CSPP1: variants seen among roughly 807,000 people sequenced by gnomAD.
The protein encoded by CSPP1 is centrosome and spindle pole-associated protein 1.
Under a neutral mutation model 164.4 loss-of-function variants are expected in CSPP1, and 126 were observed. That is an observed-to-expected ratio of 0.77 (90% CI 0.66 to 0.89). The LOEUF is 0.89. Among genes scored for constraint, CSPP1 ranks in the 40% least tolerant of loss-of-function variants. The pLI is 0.00. For missense variants in CSPP1, 1,395 were observed against 1,449.8 expected, an observed-to-expected ratio of 0.96 and a Z score of 0.61; for synonymous variants, 472 against 476.7, an observed-to-expected ratio of 0.99 and a Z score of 0.13.
chr8:67,130,480 C>T (rs1366427377), intron 15 of CSPP1, among the ~76,000 whole-genome samples: 1 of 152,130 alleles, frequency 6.6e-6, no homozygotes, highest in African/African-American at 2.4e-5. Context: ...CACAAAGAGC[C>T]CCCTTGCTCT....
At chr8:67,159,567 C>T (rs1827359276) in intron 21 of CSPP1, among the ~76,000 whole-genome samples, 1 of 123,304 alleles carries the variant, frequency 8.1e-6, no homozygotes, top group Non-Finnish European at 1.6e-5. Flanking sequence ...GTTGCCCAGG[C>T]TCTGGAGTGC....
Position 67,093,657 on chromosome 8 carries a change from G to A in CSPP1, c.483+16G>A. 1 of 1,455,052 alleles carries A rather than the reference G, an allele frequency of 6.9e-7. No individual in the cohort carries two copies. Among genetic ancestry groups the A allele is most frequent in the Non-Finnish European group, 9.6e-7 (1 of 1,039,334 alleles). The allele number at this position is 1,455,052 out of a possible 1,614,324, so 90.1% of individuals were successfully genotyped here. On this transcript the variant is annotated intron_variant, in intron 6 of 30. Coordinates refer to ENST00000678616, the MANE Select transcript of CSPP1 (RefSeq NM_001382391.1). Reference sequence around the variant, plus strand: ...GAGTACTGAGGTAGGTTTTGCTTTTGAATTAAATCTGTACTACTACTACCA... The same window carrying A: ...GAGTACTGAGGTAGGTTTTGCTTTTAAATTAAATCTGTACTACTACTACCA...
chr8:67,159,835 T>C (rs144950177), intron 21 of CSPP1, among the ~76,000 whole-genome samples: 12 of 127,944 alleles, frequency 9.4e-5, no homozygotes, highest in African/African-American at 4.2e-4. Context: ...TCTCTCTTTC[T>C]TTCTTTCTTT....
intron 1 of CSPP1, among the ~76,000 whole-genome samples, chr8:67,065,824 C>T (rs1001225895): frequency 8.5e-5 from 13 of 152,130 alleles, no homozygotes; most frequent in Non-Finnish European, 1.5e-5. Flanking sequence ...CCATTGTGCC[C>T]GTTCAAGTTT....
At chr8:67,192,066 G>GTT (rs34907123) in intron 29 of CSPP1, among the ~76,000 whole-genome samples, 2,703 of 129,794 alleles carry the variant, frequency 0.021, 57 homozygotes, top group South Asian at 0.048. Context: ...TTGCTGATTT[G>GTT]TTTTTTTTTT....
chr8:67,171,013 C>T (rs2129566139), intron 24 of CSPP1, among the ~76,000 whole-genome samples: 1 of 150,154 alleles, frequency 6.7e-6, no homozygotes, highest in South Asian at 2.1e-4. Context: ...GTCTTGATCT[C>T]CTGACCTCGT....
chr8:67,148,184 G>A (rs1010720263), intron 17 of CSPP1, among the ~76,000 whole-genome samples: 1 of 152,160 alleles, frequency 6.6e-6, no homozygotes, highest in Non-Finnish European at 1.5e-5. Flanking sequence ...CTCCCAAAGT[G>A]CTGGGATTAT....
At chr8:67,152,086 CA>C (rs1185447488) in intron 18 of CSPP1, among the ~76,000 whole-genome samples, 12,362 of 58,138 alleles carry the variant, frequency 0.21, 750 homozygotes, top group African/African-American at 0.39. Context: ...GACTCCATCT[CA>C]AAAAAAAAAA....
intron 5 of CSPP1, among the ~76,000 whole-genome samples, chr8:67,092,955 G>A (rs1811931900): frequency 6.6e-6 from 1 of 152,154 alleles, no homozygotes; most frequent in Non-Finnish European, 1.5e-5. Flanking sequence ...AGGTGCTTCA[G>A]GGGAGTGGGT....
At chr8:67,066,663 C>A (rs1361941890) in intron 1 of CSPP1, among the ~76,000 whole-genome samples, 1 of 152,126 alleles carries the variant, frequency 6.6e-6, no homozygotes, top group Non-Finnish European at 1.5e-5. Context: ...AGCTCCTAAA[C>A]CCCTGTCAGC....
intron 17 of CSPP1, among the ~76,000 whole-genome samples, chr8:67,144,811 G>A (rs1824173738): frequency 6.6e-6 from 1 of 151,870 alleles, no homozygotes; most frequent in South Asian, 2.1e-4. Flanking sequence ...GCTCACGCCT[G>A]TAATCCCAGC....
Position 67,158,857 on chromosome 8 carries a change from C to T in CSPP1, c.2392-134C>T. 3.2e-6 allele frequency: 3 copies of T among 928,504 alleles called. No individual in the cohort carries two copies. The South Asian group carries it at 5.9e-5, about 18-fold the overall frequency. The allele number at this position is 928,504 out of a possible 1,614,324, so 57.5% of individuals were successfully genotyped here. On this transcript the variant is annotated intron_variant, in intron 20 of 30. Coordinates refer to ENST00000678616, the MANE Select transcript of CSPP1 (RefSeq NM_001382391.1). Reference sequence around the variant, plus strand: ...GCCTAATATTTTATTTTTAAGCAGACAACTTATGTTAAAGAACACCATATC... The same window carrying T: ...GCCTAATATTTTATTTTTAAGCAGATAACTTATGTTAAAGAACACCATATC...
rs1837835860 is a variant in CSPP1, at chr8:67,195,842, G to A, written c.*249G>A. 2.3e-6 allele frequency: 1 copy of A among 444,284 alleles called. No individual in the cohort carries two copies. The highest frequency in any genetic ancestry group is 4.1e-6 in the Non-Finnish European group (1 of 245,294). The allele number at this position is 444,284 out of a possible 1,614,324, so 27.5% of individuals were successfully genotyped here. Reference sequence around the variant, plus strand: ...CATAAATTAGGGTGGTAATGAACTGGATTGAACTACTATATGTGCATTATA... The same window carrying A: ...CATAAATTAGGGTGGTAATGAACTGAATTGAACTACTATATGTGCATTATA... On this transcript the variant is annotated 3_prime_UTR_variant, in exon 31 of 31. Transcript: ENST00000678616.
chr8:67,123,434 T>A (rs1429272286), intron 15 of CSPP1, among the ~76,000 whole-genome samples: 1 of 152,152 alleles, frequency 6.6e-6, no homozygotes, highest in East Asian at 1.9e-4. Context: ...TTGCATGGTG[T>A]ATGATTTTTC....
intron 9 of CSPP1, among the ~76,000 whole-genome samples, chr8:67,110,781 A>G (rs777581472): frequency 2.6e-5 from 4 of 152,118 alleles, no homozygotes; most frequent in Non-Finnish European, 5.9e-5. Context: ...CTCAATTACA[A>G]TTCTGCACTA....
At chr8:67,116,744 T>C (rs1204207039) in intron 13 of CSPP1, among the ~76,000 whole-genome samples, 3 of 152,190 alleles carry the variant, frequency 2.0e-5, no homozygotes, top group South Asian at 4.1e-4. Flanking sequence ...GGCTATACTT[T>C]CTTCTTTGTA....
chr8:67,078,468 C>G (rs953671521), intron 3 of CSPP1, among the ~76,000 whole-genome samples: 1 of 152,088 alleles, frequency 6.6e-6, no homozygotes, highest in African/African-American at 2.4e-5. Flanking sequence ...TCCTCAGCCT[C>G]CAAGTAGCTG....
In CSPP1 at chr8:67,064,449, T is replaced by C. The variant is rs758007540; in HGVS notation, c.-100T>C. 1 of 1,613,958 alleles carries C rather than the reference T, an allele frequency of 6.2e-7. No homozygotes were observed. The highest frequency in any genetic ancestry group is 8.5e-7 in the Non-Finnish European group (1 of 1,179,918). On this transcript the variant is annotated 5_prime_UTR_variant, in exon 1 of 31. Transcript: ENST00000678616. ...CTGTAACCTCTTCGGTCCGCGACGA[T>C]CCTCTAGAGCACTGTGTGTCTCCCC...
chr8:67,146,398 C>T (rs1284105113), intron 17 of CSPP1, among the ~76,000 whole-genome samples: 1 of 152,116 alleles, frequency 6.6e-6, no homozygotes, highest in African/African-American at 2.4e-5. Flanking sequence ...GTTGAGATTA[C>T]AGGCATGAGC....
Sources: gnomAD v4.1 joint callset for allele counts (sites outside exome capture counted in the v4.1 genomes callset) on GRCh38, gnomAD v4.1.1 for gene constraint, MANE v1.5 for transcripts, NCBI Gene and HGNC (gene_info 2026-07-23, HGNC 2026-07-21) for gene names.